RIMBP2: variants seen among roughly 807,000 people sequenced by gnomAD.
RIMBP2 encodes RIMS binding protein 2.
A neutral mutation model predicts 118.6 loss-of-function variants in RIMBP2; 48 were observed. The observed-to-expected ratio is 0.40, with a 90% CI of 0.32 to 0.51. The LOEUF (loss-of-function observed/expected upper bound fraction) is 0.51. RIMBP2 is among the 20% of genes least tolerant of loss of function. The probability of loss-of-function intolerance (pLI) is 0.41; values close to 1 mark genes in which losing one functional copy is unlikely to be tolerated. For synonymous variants in RIMBP2, 762 were observed against 742.9 expected, an observed-to-expected ratio of 1.03 and a Z score of -0.42; for missense variants, 1,551 against 1,768.3, an observed-to-expected ratio of 0.88 and a Z score of 2.20.
chr12:130,547,616 T>C (rs997683312), intron 2 of RIMBP2, among the ~76,000 whole-genome samples: 1 of 152,220 alleles, frequency 6.6e-6, no homozygotes, highest in Admixed American at 6.5e-5. Context: ...CATCGATCCC[T>C]GCTGCAAAAG....
intron 21 of RIMBP2, among the ~76,000 whole-genome samples, 179 bp downstream of exon 21, chr12:130,405,993 T>G (rs1287634645): frequency 6.6e-6 from 1 of 152,180 alleles, no homozygotes; most frequent in Non-Finnish European, 1.5e-5. Flanking sequence ...AGTCCCAACT[T>G]TCTAGATTAT....
chr12:130,522,436 G>A (rs567288846), intron 2 of RIMBP2, among the ~76,000 whole-genome samples: 10 of 152,336 alleles, frequency 6.6e-5, no homozygotes, highest in South Asian at 2.1e-4. Flanking sequence ...CGGGTGCCAC[G>A]TGGGGACGGG....
intron 2 of RIMBP2, among the ~76,000 whole-genome samples, chr12:130,579,089 G>C (rs1387514354): frequency 6.6e-6 from 1 of 152,122 alleles, no homozygotes; most frequent in Non-Finnish European, 1.5e-5. Context: ...GTAGCCTGTT[G>C]CTTCAGTTGT....
chr12:130,493,710 A>C (rs956795305), intron 4 of RIMBP2, among the ~76,000 whole-genome samples: 11 of 152,208 alleles, frequency 7.2e-5, no homozygotes, highest in African/African-American at 2.7e-4. Flanking sequence ...ACATATTTAA[A>C]TTTAAACAAT....
rs1393838029 is a variant in RIMBP2, at chr12:130,710,280, G to A, written c.-352+5942C>T. On this transcript the variant is annotated intron_variant, in intron 1 of 22. Coordinates refer to ENST00000690449, the MANE Select transcript of RIMBP2 (RefSeq NM_001393629.1). This position sits in a 1 kb window ranked among gnomAD's most constrained non-coding sequence, Gnocchi z 4.3. Reference sequence around the variant, plus strand: ...CTCAGGGTCCTGTCTCAGCTTCAACGCCACCTCCTCCCTGAGACCCTCCCA... The same window carrying A: ...CTCAGGGTCCTGTCTCAGCTTCAACACCACCTCCTCCCTGAGACCCTCCCA... Among the ~76,000 whole-genome samples the A allele has an allele frequency of 1.3e-5, 2 of 151,946 alleles. No individual in the cohort carries two copies. The highest frequency in any genetic ancestry group is 2.9e-5 in the Non-Finnish European group (2 of 68,008).
chr12:130,501,611 A>G (rs532808930), intron 4 of RIMBP2, among the ~76,000 whole-genome samples: 1 of 152,204 alleles, frequency 6.6e-6, no homozygotes, highest in Non-Finnish European at 1.5e-5. Flanking sequence ...CCATTTTCCA[A>G]TAATTTTCTG....
intron 2 of RIMBP2, among the ~76,000 whole-genome samples, chr12:130,582,915 GC>G (rs1425894048): frequency 6.6e-6 from 1 of 152,192 alleles, no homozygotes; most frequent in African/African-American, 2.4e-5. Context: ...ATAACTGAAT[GC>G]CACCTCCACT....
At chr12:130,470,824 G>A (rs2080940887) in intron 5 of RIMBP2, 81 bp from the exon 6 acceptor site, 4 of 717,024 alleles carry the variant, frequency 5.6e-6, no homozygotes, top group Non-Finnish European at 7.7e-6. Context: ...GAATCACTGG[G>A]GGTGGGGGAT....
rs991619280 is a variant in RIMBP2 at position 130,620,537 on chromosome 12, C to A, written c.-217+7785G>T. 6.6e-6 allele frequency among the ~76,000 whole-genome samples: 1 copy of A among 152,208 alleles called. No individual in the cohort carries two copies. The highest frequency in any genetic ancestry group is 1.5e-5 in the Non-Finnish European group (1 of 68,044). ...GAACAGGCATGCACGGCCCCACAGT[C>A]CCAGGGGCCAGATGCCCAAGCTCGG... is the stretch of plus-strand genomic sequence containing the variant. On this transcript the variant is annotated intron_variant, in intron 2 of 22. Transcript: ENST00000690449. This position sits in a 1 kb window ranked among gnomAD's most constrained non-coding sequence, Gnocchi z 5.3.
intron 1 of RIMBP2, among the ~76,000 whole-genome samples, chr12:130,700,747 C>T (rs555530176): frequency 6.6e-6 from 1 of 152,334 alleles, no homozygotes; most frequent in Admixed American, 6.5e-5. Flanking sequence ...CCCCCTAGTT[C>T]ATTCTAAGTT....
chr12:130,688,378 ACT>A lies in RIMBP2; in HGVS notation c.-352+27842_-352+27843del, dbSNP rs1424603630. On this transcript the variant is annotated intron_variant, in intron 1 of 22. Transcript: ENST00000690449. The surrounding 1 kb of genome is among the most constrained non-coding windows in gnomAD (Gnocchi z 4.7). ...GGGAGCCACAGGAACACTCTAGAACACTCTGGAACACTCTGGGGCCATTGGAT... is the reference window on the plus strand; with the variant it reads ...GGGAGCCACAGGAACACTCTAGAACACTGGAACACTCTGGGGCCATTGGAT... Among the ~76,000 whole-genome samples the A allele has an allele frequency of 6.6e-6, 1 of 151,914 alleles. No individual in the cohort carries two copies. The highest frequency in any genetic ancestry group is 1.5e-5 in the Non-Finnish European group (1 of 67,964).
rs772054410 is a variant in RIMBP2, at chr12:130,428,361, C to T, written c.2254-24G>A. 9 of 1,592,910 alleles carry T rather than the reference C, an allele frequency of 5.7e-6. No individual in the cohort carries two copies. In the African/African-American group the frequency reaches 9.4e-5, roughly 17 times the overall value. On this transcript the variant is annotated intron_variant, in intron 14 of 22. Transcript: ENST00000690449. ...GGCTGGGGGCCAAGAAAAGGGGCTA[C>T]TGAGCGGGTGGCTCCTCCCGCATCC...
At chr12:130,589,684 TA>T (rs1467466833) in intron 2 of RIMBP2, among the ~76,000 whole-genome samples, 2 of 152,222 alleles carry the variant, frequency 1.3e-5, no homozygotes, top group African/African-American at 4.8e-5. Context: ...AATGTATAAA[TA>T]GATCGAAACA....
intron 1 of RIMBP2, among the ~76,000 whole-genome samples, chr12:130,686,937 C>G (rs928740223): frequency 6.6e-6 from 1 of 152,180 alleles, no homozygotes; most frequent in African/African-American, 2.4e-5. Context: ...ACTCATTTGC[C>G]GGCGTATACC....
At chr12:130,528,926 T>C (rs2053084979) in intron 2 of RIMBP2, among the ~76,000 whole-genome samples, 1 of 152,212 alleles carries the variant, frequency 6.6e-6, no homozygotes, top group African/African-American at 2.4e-5. Context: ...ACAGACTCAC[T>C]ACATTACCCA....
chr12:130,646,765 C>T (rs771972964), intron 1 of RIMBP2, among the ~76,000 whole-genome samples: 19 of 152,368 alleles, frequency 1.2e-4, no homozygotes, highest in Admixed American at 6.5e-4. Context: ...CCTCCAGGGG[C>T]GAATGATTTA....
In RIMBP2 at chr12:130,514,174, G is replaced by A. The variant is rs112717869; in HGVS notation, c.-127+3654C>T. ...AGGACAGATCTGGGGTGCCCCTGCTGCCTCTCTCAAAGCACTGCTATTCCT... is the reference window on the plus strand; with the variant it reads ...AGGACAGATCTGGGGTGCCCCTGCTACCTCTCTCAAAGCACTGCTATTCCT... On this transcript the variant is annotated intron_variant, in intron 3 of 22. Transcript: ENST00000690449. Among the ~76,000 whole-genome samples the A allele has an allele frequency of 3.5e-3, 531 of 152,338 alleles. 2 individuals are homozygous for A. The highest frequency in any genetic ancestry group is 0.014 in the Middle Eastern group (4 of 294).
intron 2 of RIMBP2, among the ~76,000 whole-genome samples, chr12:130,584,719 A>G (rs1032238095): frequency 4.6e-5 from 7 of 152,236 alleles, no homozygotes; most frequent in African/African-American, 1.7e-4. Context: ...CCATTACATC[A>G]TCACTATCAC....
intron 1 of RIMBP2, among the ~76,000 whole-genome samples, chr12:130,633,216 T>C (rs1273423320): frequency 2.6e-5 from 4 of 152,248 alleles, no homozygotes; most frequent in Non-Finnish European, 2.9e-5. Flanking sequence ...ATATTCATTA[T>C]CTAAAGGGTG....
Sources: gnomAD v4.1 joint callset for allele counts (sites outside exome capture counted in the v4.1 genomes callset) on GRCh38, gnomAD v4.1.1 for gene constraint, Gnocchi (gnomAD v3.1) non-coding constraint, MANE v1.5 for transcripts, NCBI Gene and HGNC (gene_info 2026-07-23, HGNC 2026-07-21) for gene names.